The following RBFOX1 variants were observed in gnomAD, a reference collection of about 807,000 sequenced individuals.
RBFOX1 encodes RNA binding fox-1 homolog 1, also known as RNA binding protein fox-1 homolog 1.
Under a neutral mutation model 57.7 loss-of-function variants are expected in RBFOX1, and 8 were observed. That is an observed-to-expected ratio of 0.14 (90% CI 0.08 to 0.25). RBFOX1 has a LOEUF of 0.25. Among genes scored for constraint, RBFOX1 ranks in the 10% least tolerant of loss-of-function variants. The pLI, the probability that RBFOX1 is intolerant of heterozygous loss-of-function variation, is 1.00. For missense variants in RBFOX1, 611 were observed against 548.5 expected, an observed-to-expected ratio of 1.11 and a Z score of -1.14; for synonymous variants, 326 against 222.4, an observed-to-expected ratio of 1.47 and a Z score of -4.15.
At chr16:6,298,306 A>G (rs2078378966) in intron 1 of RBFOX1, among the ~76,000 whole-genome samples, 1 of 152,200 alleles carries the variant, frequency 6.6e-6, no homozygotes, top group Non-Finnish European at 1.5e-5. Flanking sequence ...AGGGTGCTCC[A>G]TAGACACCCT....
At chr16:6,381,495 G>A (rs2091810536) in intron 2 of RBFOX1, among the ~76,000 whole-genome samples, 2 of 152,176 alleles carry the variant, frequency 1.3e-5, no homozygotes, top group African/African-American at 2.4e-5. Flanking sequence ...GCTGATAGAG[G>A]CTTATATCTT....
chr16:6,782,244 G>T (rs1228607599), intron 3 of RBFOX1, among the ~76,000 whole-genome samples: 1 of 152,058 alleles, frequency 6.6e-6, no homozygotes, highest in East Asian at 1.9e-4. Context: ...TGACCTCGTG[G>T]TCTGCCCACC....
At chr16:6,418,408 C>G (rs183798066) in intron 2 of RBFOX1, among the ~76,000 whole-genome samples, 42 of 151,966 alleles carry the variant, frequency 2.8e-4, no homozygotes, top group African/African-American at 9.7e-4. Flanking sequence ...GTCTATAAAC[C>G]TGGGAGTTAT....
chr16:6,522,154 A>AGTGTGT (rs35360830), intron 2 of RBFOX1, among the ~76,000 whole-genome samples: 4,035 of 142,788 alleles, frequency 0.028, 132 homozygotes, highest in African/African-American at 0.081. Flanking sequence ...GGGGACCCAC[A>AGTGTGT]GTGTGTGTGT....
intron 8 of RBFOX1, 178 bp from the exon 9 acceptor site, chr16:7,597,193 A>C (rs1268530822): frequency 1.4e-5 from 7 of 509,538 alleles, no homozygotes; most frequent in East Asian, 9.8e-5. Flanking sequence ...GTTATGAAGT[A>C]AATGTAATTT....
rs190706219 is a variant in RBFOX1 at position 6,937,472 on chromosome 16, T to G, written c.-15-114585T>G. Among the ~76,000 whole-genome samples, 1,487 of 152,172 alleles carry G rather than the reference T, an allele frequency of 9.8e-3. 17 individuals are homozygous for G. Among genetic ancestry groups the G allele is most frequent in the African/African-American group, 0.034 (1,405 of 41,528 alleles). On this transcript the variant is annotated intron_variant, in intron 3 of 15. Coordinates refer to ENST00000550418, the MANE Select transcript of RBFOX1 (RefSeq NM_018723.4). ...AAAAGAGTCAAACTCTGTAAAACGG[T>G]GAAGATATTTATTCTGAGTGACATA... is the stretch of plus-strand genomic sequence containing the variant.
At chr16:5,873,567 A>T (rs1408808418) in intron 4 of RBFOX1, among the ~76,000 whole-genome samples, 1 of 152,236 alleles carries the variant, frequency 6.6e-6, no homozygotes, top group African/African-American at 2.4e-5. Context: ...TGAACGTTTA[A>T]GTGACAGTCT....
intron 7 of RBFOX1, among the ~76,000 whole-genome samples, chr16:7,588,549 T>C (rs1349616040): frequency 6.6e-6 from 1 of 152,172 alleles, no homozygotes; most frequent in Non-Finnish European, 1.5e-5. Flanking sequence ...CCCAGGCTAT[T>C]AGGAATTTTA....
rs867698890 is a variant in RBFOX1 at position 7,534,699 on chromosome 16, G to A, written c.270+16310G>A. 2.0e-5 allele frequency among the ~76,000 whole-genome samples: 3 copies of A among 152,248 alleles called. No individual in the cohort carries two copies. The South Asian group carries it at 6.2e-4, about 32-fold the overall frequency. ...ATGTATTTAGCCGGGGGAATGACAG[G>A]TTTCCTTTTCACAGTAAGGGTTCCT... On this transcript the variant is annotated intron_variant, in intron 5 of 15. Coordinates refer to ENST00000550418, the MANE Select transcript of RBFOX1 (RefSeq NM_018723.4).
chr16:7,245,895 T>C (rs1200859078), intron 4 of RBFOX1, among the ~76,000 whole-genome samples: 5 of 152,128 alleles, frequency 3.3e-5, no homozygotes, highest in Non-Finnish European at 7.4e-5. Context: ...GTCTTGCAAA[T>C]AGATATTCAA....
intron 1 of RBFOX1, among the ~76,000 whole-genome samples, chr16:6,092,245 A>G (rs2096185866): frequency 6.6e-6 from 1 of 152,194 alleles, no homozygotes; most frequent in African/African-American, 2.4e-5. Context: ...AATGCTTCAC[A>G]TGCATTAAGT....
At chr16:5,359,106 C>A (rs2065472962) in intron 1 of RBFOX1, among the ~76,000 whole-genome samples, 1 of 152,184 alleles carries the variant, frequency 6.6e-6, no homozygotes, top group African/African-American at 2.4e-5. Flanking sequence ...AGCATAGTGA[C>A]CTCCAGTTTC....
intron 3 of RBFOX1, among the ~76,000 whole-genome samples, chr16:6,814,188 A>G (rs2089494815): frequency 6.6e-6 from 1 of 150,546 alleles, no homozygotes; most frequent in South Asian, 2.1e-4. Context: ...TCATTGCATG[A>G]TCAACATGAT....
chr16:6,821,283 T>C (rs1470141467), intron 3 of RBFOX1, among the ~76,000 whole-genome samples: 2 of 152,194 alleles, frequency 1.3e-5, no homozygotes, highest in Non-Finnish European at 2.9e-5. Flanking sequence ...CCTGGGTCTG[T>C]GGTGCTTTCC....
intron 2 of RBFOX1, among the ~76,000 whole-genome samples, chr16:6,557,088 C>A (rs1181538756): frequency 1.4e-5 from 2 of 140,016 alleles, no homozygotes; most frequent in African/African-American, 5.2e-5. Flanking sequence ...TATATACATA[C>A]ATATACATAT....
chr16:7,102,358 G>T (rs1302747627), intron 4 of RBFOX1, among the ~76,000 whole-genome samples: 2 of 152,204 alleles, frequency 1.3e-5, no homozygotes, highest in Non-Finnish European at 2.9e-5. Context: ...AAGTCTTACT[G>T]AGAGCCTTAG....
intron 4 of RBFOX1, among the ~76,000 whole-genome samples, chr16:7,181,884 A>G (rs894061050): frequency 6.6e-6 from 1 of 152,132 alleles, no homozygotes; most frequent in Non-Finnish European, 1.5e-5. Context: ...TTTCTGAGTC[A>G]CCATATGTGA....
At chr16:7,020,120 T>C (rs907459401) in intron 3 of RBFOX1, among the ~76,000 whole-genome samples, 8 of 152,198 alleles carry the variant, frequency 5.3e-5, no homozygotes, top group African/African-American at 1.4e-4. Flanking sequence ...ACAATTGTCA[T>C]GTCTCAGGCC....
chr16:5,467,545 G>A (rs748063622), intron 2 of RBFOX1, among the ~76,000 whole-genome samples: 4 of 152,178 alleles, frequency 2.6e-5, no homozygotes, highest in Non-Finnish European at 5.9e-5. Flanking sequence ...TGGGAACAAT[G>A]AGGGTGCTTG....
Sources: allele counts gnomAD v4.1 joint callset (sites outside exome capture counted in the v4.1 genomes callset), GRCh38; gene constraint gnomAD v4.1.1; transcripts MANE v1.5; gene names NCBI Gene and HGNC (gene_info 2026-07-23, HGNC 2026-07-21).